FAM107B: variants seen among roughly 807,000 people sequenced by gnomAD.
FAM107B encodes the protein family with sequence similarity 107 member B.
Under a neutral mutation model 31.5 loss-of-function variants are expected in FAM107B, and 21 were observed. That is an observed-to-expected ratio of 0.67 (90% confidence interval 0.47 to 0.96). The LOEUF (loss-of-function observed/expected upper bound fraction) is 0.96, where lower values mean the gene tolerates loss of function less well. Ranked by LOEUF, FAM107B falls within the 40% of genes least tolerant of loss-of-function variation. The pLI is 0.00. For missense variants in FAM107B, 452 were observed against 377.1 expected, an observed-to-expected ratio of 1.20 and a Z score of -1.64; for synonymous variants, 157 against 141.5, an observed-to-expected ratio of 1.11 and a Z score of -0.78.
Position 14,774,599 on chromosome 10 carries a change from A to T in FAM107B, c.65T>A (p.Phe22Tyr), listed in dbSNP as rs1833380608. The T allele has an allele frequency of 5.0e-6, 8 of 1,614,154 alleles. No homozygotes were observed. Among genetic ancestry groups the T allele is most frequent in the Non-Finnish European group, 5.9e-6 (7 of 1,180,028 alleles). ...LKSPSRSMHPFPCSALLACFG... is the reference protein window; with the variant it reads ...LKSPSRSMHPYPCSALLACFG... ...ACAGGCGAGCAGAGCTGAGCACGGA[A>T]ATGGATGCATGCTTCTAGAGGGAGA... Residue 22 changes from phenylalanine to tyrosine, a missense_variant, in exon 1 of 5, where the codon TTT (phenylalanine) becomes TAT (tyrosine). Coordinates refer to ENST00000181796, the MANE Select transcript of FAM107B (RefSeq NM_031453.4).
intron 1 of FAM107B, chr10:14,723,264 C>T: frequency 1.9e-6 from 1 of 535,404 alleles, no homozygotes; most frequent in Non-Finnish European, 3.7e-6. Context: ...CTCCAGTCTT[C>T]AGTAGGGAAC....
At chr10:14,683,773 T>C (rs1329746376) in intron 1 of FAM107B, among the ~76,000 whole-genome samples, 1 of 152,222 alleles carries the variant, frequency 6.6e-6, no homozygotes, top group East Asian at 1.9e-4. Context: ...AATGAATGCA[T>C]AAATAAGTGA....
intron 2 of FAM107B, among the ~76,000 whole-genome samples, chr10:14,567,832 TATTA>T (rs1284334181): frequency 6.6e-6 from 1 of 152,136 alleles, no homozygotes; most frequent in Non-Finnish European, 1.5e-5. Context: ...CGGTTCCTGG[TATTA>T]ACAGTGTCTT....
intron 2 of FAM107B, among the ~76,000 whole-genome samples, chr10:14,555,006 G>A (rs997695693): frequency 8.7e-5 from 13 of 149,390 alleles, no homozygotes; most frequent in Non-Finnish European, 1.5e-4. Context: ...ATGTCAGACC[G>A]AAATTATTAG....
At chr10:14,658,750 T>C (rs72770510) in intron 2 of FAM107B, among the ~76,000 whole-genome samples, 16,884 of 152,248 alleles carry the variant, frequency 0.11, 1,011 homozygotes, top group Non-Finnish European at 0.14. Flanking sequence ...TCATTCCCCA[T>C]TTAATAAATA....
At chr10:14,692,267 A>G (rs973022981) in intron 1 of FAM107B, among the ~76,000 whole-genome samples, 1 of 152,122 alleles carries the variant, frequency 6.6e-6, no homozygotes, top group Non-Finnish European at 1.5e-5. Context: ...CACACCAAAG[A>G]TGAGCTCCCC....
At chr10:14,572,457 A>T (rs531243907) in intron 2 of FAM107B, 3 of 963,312 alleles carry the variant, frequency 3.1e-6, no homozygotes, top group African/African-American at 3.5e-5. Flanking sequence ...CACCTACAGC[A>T]TGGAGGCCTG....
chr10:14,635,011 C>T (rs953139497), intron 2 of FAM107B, among the ~76,000 whole-genome samples: 3 of 151,870 alleles, frequency 2.0e-5, no homozygotes, highest in African/African-American at 7.3e-5. Flanking sequence ...ATCGCTTGAA[C>T]CCCGGAGGCG....
At position 14,706,047 on chromosome 10, in the gene FAM107B, T is replaced by G. The variant is rs374774332; in HGVS notation, c.412-38356A>C. 9.2e-5 allele frequency among the ~76,000 whole-genome samples: 14 copies of G among 152,242 alleles called. No individual in the cohort carries two copies. The East Asian group carries it at 1.9e-3, about 21-fold the overall frequency. ...TTAACATACCCTTCCTAATTCTGAT[T>G]TACAACCCAGACCACTACAACTCTG... is the stretch of plus-strand genomic sequence containing the variant. On this transcript the variant is annotated intron_variant, in intron 1 of 4. Coordinates refer to ENST00000181796, the MANE Select transcript of FAM107B (RefSeq NM_031453.4).
At chr10:14,649,769 G>A (rs1017364439) in intron 2 of FAM107B, among the ~76,000 whole-genome samples, 2 of 152,162 alleles carry the variant, frequency 1.3e-5, no homozygotes, top group African/African-American at 4.8e-5. Context: ...ATGTTCTTAG[G>A]ATCTCCTGGG....
At chr10:14,772,719 G>A (rs1022427453) in intron 1 of FAM107B, among the ~76,000 whole-genome samples, 2 of 152,012 alleles carry the variant, frequency 1.3e-5, no homozygotes, top group Non-Finnish European at 2.9e-5. Flanking sequence ...TCCATCCTAC[G>A]CTGTGGACCA....
In FAM107B at chr10:14,735,437, G is replaced by A. The variant is rs532107925; in HGVS notation, c.411+38816C>T. On this transcript the variant is annotated intron_variant, in intron 1 of 4. Coordinates refer to ENST00000181796, the MANE Select transcript of FAM107B (RefSeq NM_031453.4). ...CATCTGTTGGAGCTATTTTGGGGTG[G>A]GCCTTTGCTGAAAGTCAATTGGTGG... 5.9e-5 allele frequency among the ~76,000 whole-genome samples: 9 copies of A among 152,226 alleles called. No homozygotes were observed. In the South Asian group the frequency reaches 1.9e-3, roughly 32 times the overall value.
At chr10:14,647,945 T>C (rs994246959) in intron 2 of FAM107B, among the ~76,000 whole-genome samples, 2 of 152,024 alleles carry the variant, frequency 1.3e-5, no homozygotes, top group Non-Finnish European at 2.9e-5. Context: ...AAGGCAGAAT[T>C]TGTTAAGTCT....
chr10:14,586,930 T>C (rs1851863432), intron 2 of FAM107B, among the ~76,000 whole-genome samples: 1 of 152,208 alleles, frequency 6.6e-6, no homozygotes, highest in African/African-American at 2.4e-5. Context: ...ATGATATAGG[T>C]GAAACATTCA....
intron 2 of FAM107B, chr10:14,553,988 T>G (rs1334741738): frequency 2.1e-6 from 1 of 477,716 alleles, no homozygotes. Flanking sequence ...GAGCCCGTTT[T>G]TCCTTGTCTT....
chr10:14,675,264 C>T lies in FAM107B; in HGVS notation c.412-7573G>A, dbSNP rs548004800. Among the ~76,000 whole-genome samples, 68 of 152,262 alleles carry T rather than the reference C, an allele frequency of 4.5e-4. No individual in the cohort carries two copies. The South Asian group carries it at 0.013, about 30-fold the overall frequency. ...GGGAACTCCTTTCCCAATTTTATGG[C>T]ACCGTGGTCAGGGTGCATACTGGGC... On this transcript the variant is annotated intron_variant, in intron 1 of 4. Transcript: ENST00000181796.
At chr10:14,761,900 A>T (rs1195347643) in intron 1 of FAM107B, among the ~76,000 whole-genome samples, 1 of 152,124 alleles carries the variant, frequency 6.6e-6, no homozygotes, top group African/African-American at 2.4e-5. Flanking sequence ...CACCGGGCCG[A>T]TGGCTCATTT....
intron 2 of FAM107B, among the ~76,000 whole-genome samples, chr10:14,608,963 T>C (rs1260222327): frequency 6.6e-6 from 1 of 152,220 alleles, no homozygotes; most frequent in Non-Finnish European, 1.5e-5. Context: ...GGGAAATCTT[T>C]CTGATGATAA....
At chr10:14,531,563 T>C (rs979095365) in intron 2 of FAM107B, among the ~76,000 whole-genome samples, 4 of 143,516 alleles carry the variant, frequency 2.8e-5, no homozygotes, top group African/African-American at 7.7e-5. Flanking sequence ...AAAAAGAGGC[T>C]GGGCACAGTG....
Sources: gnomAD v4.1 joint callset for allele counts (sites outside exome capture counted in the v4.1 genomes callset) on GRCh38, gnomAD v4.1.1 for gene constraint, MANE v1.5 for transcripts, NCBI Gene and HGNC (gene_info 2026-07-23, HGNC 2026-07-21) for gene names.